The following SAP30BP variants were observed in gnomAD, a reference collection of about 807,000 sequenced individuals.
The protein encoded by SAP30BP is SAP30-binding protein.
Under a neutral mutation model 46.3 loss-of-function variants are expected in SAP30BP, and 31 were observed. That is an observed-to-expected ratio of 0.67 (90% CI 0.50 to 0.90). The LOEUF is 0.90. SAP30BP is among the 40% of genes least tolerant of loss of function. The probability of loss-of-function intolerance (pLI) is 0.00; values close to 1 mark genes in which losing one functional copy is unlikely to be tolerated. For missense variants in SAP30BP, 312 were observed against 391.0 expected (o/e 0.80, Z 1.70); for synonymous variants, 169 against 144.2 (o/e 1.17, Z -1.23).
chr17:75,705,502 C>A, intron 9 of SAP30BP: 1 of 470,978 alleles, frequency 2.1e-6, no homozygotes, highest in Non-Finnish European at 2.8e-6. Flanking sequence ...GTGCTGGCTG[C>A]TGGGCCAGGA....
Position 75,702,902 on chromosome 17 carries a change from T to C in SAP30BP, c.488+331T>C, listed in dbSNP as rs564526946. ...GGAAGGAATTGGACTAGACAATTAC[T>C]GTAGGTTCATCTTCCAACTCTAAAA... On this transcript the variant is annotated intron_variant, in intron 6 of 10. Transcript: ENST00000584667. 3.3e-5 allele frequency: 10 copies of C among 306,434 alleles called. No individual in the cohort carries two copies. In the East Asian group the frequency reaches 5.2e-4, roughly 16 times the overall value. The allele number at this position is 306,434 out of a possible 1,614,324, so 19.0% of individuals were successfully genotyped here. A position where few individuals can be genotyped will look rare whatever the true frequency, so the allele number is the denominator to read the frequency against.
intron 9 of SAP30BP, 147 bp from the exon 10 acceptor site, chr17:75,705,861 C>A: frequency 8.1e-7 from 1 of 1,240,918 alleles, no homozygotes; most frequent in Non-Finnish European, 1.1e-6. Flanking sequence ...AGACATCTCG[C>A]CCTACCCCAG....
At chr17:75,691,605 T>C in intron 3 of SAP30BP, 1 of 409,132 alleles carries the variant, frequency 2.4e-6, no homozygotes, top group Non-Finnish European at 4.8e-6. Context: ...GTAGACATGG[T>C]AGACTCCTTG....
intron 2 of SAP30BP, 122 bp from the exon 3 acceptor site, chr17:75,671,694 G>A (rs2059910039): frequency 1.3e-6 from 1 of 741,776 alleles, no homozygotes; most frequent in South Asian, 1.4e-5. Context: ...GTAGGGGAGG[G>A]ATTCTTGGTG....
intron 5 of SAP30BP, chr17:75,700,102 G>A (rs2060385397): frequency 2.9e-6 from 1 of 343,384 alleles, no homozygotes; most frequent in Non-Finnish European, 5.4e-6. Flanking sequence ...CAGCAGGGCG[G>A]CCCTGTCTTG....
At chr17:75,676,100 T>C (rs1029340867) in intron 3 of SAP30BP, among the ~76,000 whole-genome samples, 1 of 152,216 alleles carries the variant, frequency 6.6e-6, no homozygotes, top group Non-Finnish European at 1.5e-5. Flanking sequence ...TTATAGGTAT[T>C]CTTCTTTGAT....
intron 3 of SAP30BP, chr17:75,692,154 G>A (rs2060251209): frequency 9.1e-6 from 8 of 881,118 alleles, no homozygotes; most frequent in Non-Finnish European, 1.1e-5. Context: ...GCAGTGTTCT[G>A]AGGAATGGGG....
intron 3 of SAP30BP, among the ~76,000 whole-genome samples, chr17:75,687,239 T>C (rs571363121): frequency 6.6e-6 from 1 of 152,324 alleles, no homozygotes; most frequent in East Asian, 1.9e-4. Context: ...CTCAATAAAT[T>C]ATCTGTGGAA....
At chr17:75,672,860 A>T (rs1225301913) in intron 3 of SAP30BP, among the ~76,000 whole-genome samples, 1 of 152,068 alleles carries the variant, frequency 6.6e-6, no homozygotes, top group Non-Finnish European at 1.5e-5. Flanking sequence ...GCTACTGGGG[A>T]AGCTGAGGCA....
intron 3 of SAP30BP, among the ~76,000 whole-genome samples, chr17:75,672,613 T>A (rs1165003493): frequency 1.3e-5 from 2 of 152,190 alleles, no homozygotes; most frequent in Non-Finnish European, 2.9e-5. Context: ...AGAAAAAGAC[T>A]TAATTATATC....
At chr17:75,679,281 C>G (rs1293428759) in intron 3 of SAP30BP, among the ~76,000 whole-genome samples, 1 of 152,136 alleles carries the variant, frequency 6.6e-6, no homozygotes, top group Non-Finnish European at 1.5e-5. Context: ...CAGGTGTGAA[C>G]CACCATGCCC....
Position 75,706,275 on chromosome 17 carries a change from G to C in SAP30BP, c.746-65G>C, listed in dbSNP as rs1476209765. The C allele has an allele frequency of 1.1e-5, 18 of 1,567,354 alleles. No homozygotes were observed. Among genetic ancestry groups the C allele is most frequent in the Admixed American group, 1.7e-5 (1 of 59,286 alleles). On this transcript the variant is annotated intron_variant, in intron 10 of 10. Coordinates refer to ENST00000584667, the MANE Select transcript of SAP30BP (RefSeq NM_013260.8). The surrounding 1 kb of genome is among the most constrained non-coding windows in gnomAD (Gnocchi z 4.6). The stretch of plus-strand genomic sequence containing the variant: ...CTCCCTAGACTCCCGCTGGCCTGCA[G>C]GGGGAAGGGAAAGAGGGCACCGCTC...
At chr17:75,702,772 A>G (rs1750316435) in intron 6 of SAP30BP, 1 of 420,524 alleles carries the variant, frequency 2.4e-6, no homozygotes, top group African/African-American at 2.0e-5. Context: ...AAAAAACACA[A>G]AGCAATTCAT....
chr17:75,701,685 G>A (rs187979149), intron 5 of SAP30BP, among the ~76,000 whole-genome samples: 4 of 152,276 alleles, frequency 2.6e-5, no homozygotes, highest in East Asian at 3.9e-4. Flanking sequence ...CTCTATTCCC[G>A]CCTCCCGTTA....
In SAP30BP at chr17:75,702,504, C is replaced by G; in HGVS notation, c.421C>G (p.Arg141Gly). The G allele has an allele frequency of 1.9e-6, 3 of 1,575,070 alleles. No homozygotes were observed. The highest frequency in any genetic ancestry group is 2.6e-6 in the Non-Finnish European group (3 of 1,147,082). The change falls in exon 6 of 11, where the codon CGA (arginine) becomes GGA (glycine). Residue 141 changes from arginine (R) to glycine (G), a missense_variant. By Grantham distance (125) the Arg-to-Gly change is moderately radical. Coordinates refer to ENST00000584667, the MANE Select transcript of SAP30BP (RefSeq NM_013260.8). ...LQDKIQKLYE[R>G]KIKEGMDMNY... ...GGACAAGATCCAGAAGCTTTATGAA[C>G]GAAAGATAAAGGAGGGAATGGATAT...
At chr17:75,679,887 C>T (rs1351911435) in intron 3 of SAP30BP, 1 of 152,152 alleles carries the variant, frequency 6.6e-6, no homozygotes, top group Non-Finnish European at 1.5e-5. Context: ...CTTCCTCCCC[C>T]TGTTTACCTT....
At chr17:75,667,575 C>A in intron 1 of SAP30BP, 97 bp downstream of exon 1, 1 of 1,113,114 alleles carries the variant, frequency 9.0e-7, no homozygotes, top group South Asian at 1.3e-5. Flanking sequence ...TCATTGTGCT[C>A]CAAGCACCGG....
At chr17:75,673,776 A>G (rs1050879798) in intron 3 of SAP30BP, among the ~76,000 whole-genome samples, 1 of 152,166 alleles carries the variant, frequency 6.6e-6, no homozygotes, top group Non-Finnish European at 1.5e-5. Flanking sequence ...GACCCAAAAA[A>G]GGTGAAGCTG....
chr17:75,696,614 G>C (rs902015644), intron 4 of SAP30BP, among the ~76,000 whole-genome samples: 8 of 151,628 alleles, frequency 5.3e-5, no homozygotes, highest in African/African-American at 1.9e-4. Context: ...TTCATTCCAG[G>C]ACTCAGAAGG....
Sources: gnomAD v4.1 joint callset for allele counts (sites outside exome capture counted in the v4.1 genomes callset) on GRCh38, gnomAD v4.1.1 for gene constraint, Gnocchi (gnomAD v3.1) non-coding constraint, MANE v1.5 for transcripts, NCBI Gene and HGNC (gene_info 2026-07-23, HGNC 2026-07-21) for gene names.